OPA1: variants seen among roughly 807,000 people sequenced by gnomAD.
OPA1 encodes the protein OPA1 mitochondrial dynamin like GTPase.
Under a neutral mutation model 152.9 loss-of-function variants are expected in OPA1, and 59 were observed. The observed-to-expected ratio is 0.39, with a 90% CI of 0.31 to 0.48. The LOEUF (loss-of-function observed/expected upper bound fraction) is 0.48, where lower values mean the gene tolerates loss of function less well. Among genes scored for constraint, OPA1 ranks in the 20% least tolerant of loss-of-function variants. The pLI is 0.96. For missense variants in OPA1, 1,008 were observed against 1,216.8 expected (o/e 0.83, Z 2.55); for synonymous variants, 400 against 389.9 (o/e 1.03, Z -0.31).
intron 25 of OPA1, among the ~76,000 whole-genome samples, chr3:193,662,066 T>A (rs971726749): frequency 6.6e-6 from 1 of 152,166 alleles, no homozygotes; most frequent in Non-Finnish European, 1.5e-5. Flanking sequence ...TTCTAGTAAT[T>A]TATTTAGGGT....
chr3:193,644,180 A>G, intron 16 of OPA1, 75 bp downstream of exon 16: 1 of 1,526,954 alleles, frequency 6.5e-7, no homozygotes, highest in Non-Finnish European at 9.0e-7. Context: ...TGTTATTTAA[A>G]AAAACAACAA....
chr3:193,629,072 C>G (rs1041523546), intron 7 of OPA1, among the ~76,000 whole-genome samples: 1 of 152,070 alleles, frequency 6.6e-6, no homozygotes, highest in African/African-American at 2.4e-5. Flanking sequence ...TGCCACTACA[C>G]CAGGCTAATT....
At position 193,633,779 on chromosome 3, in the gene OPA1, CA is replaced by C. The variant is rs1181067198; in HGVS notation, c.844-1638del. On this transcript the variant is annotated intron_variant, in intron 8 of 30. Transcript: ENST00000361510. ...CTTACAGCACAACCTCACTTCAGGC[CA>C]GCCACATTTCAGGTGCTTGATAACT... 4.6e-5 allele frequency among the ~76,000 whole-genome samples: 7 copies of C among 152,254 alleles called. No individual in the cohort carries two copies. In the East Asian group the frequency reaches 1.3e-3, roughly 29 times the overall value.
intron 29 of OPA1, 100 bp from the exon 30 acceptor site, chr3:193,691,963 C>T: frequency 2.8e-6 from 2 of 712,450 alleles, no homozygotes; most frequent in Non-Finnish European, 4.8e-6. Context: ...TTTCTTTTTC[C>T]CGCAAATAGT....
intron 1 of OPA1, chr3:193,614,024 G>A (rs1444934435): frequency 7.6e-5 from 39 of 515,436 alleles, no homozygotes; most frequent in Non-Finnish European, 1.1e-4. Context: ...TTAAGATATG[G>A]TTGTTGGTAA....
At chr3:193,676,731 A>G (rs1238675525) in intron 29 of OPA1, among the ~76,000 whole-genome samples, 7 of 152,172 alleles carry the variant, frequency 4.6e-5, no homozygotes, top group Non-Finnish European at 7.3e-5. Flanking sequence ...CTGTAATCCC[A>G]GCACTTTAGG....
In OPA1 at chr3:193,662,844, A is replaced by G; in HGVS notation, c.2543A>G (p.Asn848Ser). 6.2e-7 allele frequency: 1 copy of G among 1,613,432 alleles called. No homozygotes were observed. Among genetic ancestry groups the G allele is most frequent in the Non-Finnish European group, 8.5e-7 (1 of 1,179,464 alleles). ...AAGTGTGTTCACAATGAAACCAAGA[A>G]TGAATTGGAGAAGATGTTGAAATGT... ...QEQCVHNETK[N>S]ELEKMLKCNE... The change falls in exon 26 of 31, where the codon AAT (asparagine) becomes AGT (serine). Residue 848 changes from asparagine (N) to serine (S), a missense_variant. By Grantham distance (46) the Asn-to-Ser change is conservative. Coordinates refer to ENST00000361510, the MANE Select transcript of OPA1 (RefSeq NM_130837.3).
At chr3:193,599,089 T>G (rs375336611) in intron 1 of OPA1, among the ~76,000 whole-genome samples, 3 of 152,304 alleles carry the variant, frequency 2.0e-5, no homozygotes, top group East Asian at 3.9e-4. Flanking sequence ...GCCACCTAAC[T>G]TTAGGCTCTT....
intron 29 of OPA1, among the ~76,000 whole-genome samples, chr3:193,673,709 T>C (rs1339529746): frequency 3.9e-5 from 6 of 152,202 alleles, no homozygotes; most frequent in Non-Finnish European, 1.5e-5. Flanking sequence ...GAAATTACAG[T>C]GTATTTATTC....
At chr3:193,632,156 A>G (rs1200992596) in intron 8 of OPA1, among the ~76,000 whole-genome samples, 4 of 152,346 alleles carry the variant, frequency 2.6e-5, no homozygotes, top group African/African-American at 9.6e-5. Context: ...ATTTTGTGCA[A>G]TGTAATGAGT....
At chr3:193,691,964 C>A in intron 29 of OPA1, 99 bp from the exon 30 acceptor site, 1 of 718,772 alleles carries the variant, frequency 1.4e-6, no homozygotes, top group Non-Finnish European at 2.4e-6. Context: ...TTCTTTTTCC[C>A]GCAAATAGTT....
intron 25 of OPA1, among the ~76,000 whole-genome samples, chr3:193,660,711 T>A (rs921448522): frequency 6.6e-6 from 1 of 152,148 alleles, no homozygotes; most frequent in Admixed American, 6.5e-5. Context: ...ATTTTTTTTT[T>A]TGGTAATGAC....
At position 193,643,436 on chromosome 3, in the gene OPA1, G is replaced by A. The variant is rs879255594; in HGVS notation, c.1369G>A (p.Val457Met). ...GATGGTGCTTGTTGACTTACCAGGT[G>A]TGATTAATGTAAGTATATACAAAAC... ...QRMVLVDLPGVINTVTSGMAP... is the reference protein window; with the variant it reads ...QRMVLVDLPGMINTVTSGMAP... The change falls in exon 14 of 31, where the codon GTG (valine) becomes ATG (methionine). Residue 457 changes from valine (V) to methionine (M), a missense_variant. Around this residue, in one of 7 missense-constraint regions of OPA1, gnomAD observed 213 missense variants for 291.4 expected, o/e 0.73. Coordinates refer to ENST00000361510, the MANE Select transcript of OPA1 (RefSeq NM_130837.3). 6.2e-7 allele frequency: 1 copy of A among 1,609,402 alleles called. No individual in the cohort carries two copies. Among genetic ancestry groups the A allele is most frequent in the Non-Finnish European group, 8.5e-7 (1 of 1,175,776 alleles).
Position 193,615,658 on chromosome 3 carries a change from C to CT in OPA1, c.352-13dup, listed in dbSNP as rs1243535060. On this transcript the variant is annotated splice_polypyrimidine_tract_variant and intron_variant, in intron 2 of 30. Coordinates refer to ENST00000361510, the MANE Select transcript of OPA1 (RefSeq NM_130837.3). ...GCATGCAGAGCATCTGATTGACACA[C>CT]TTTCTTGTCTTTTAGACTTTTGATC... 6.9e-7 allele frequency: 1 copy of CT among 1,453,006 alleles called. No homozygotes were observed. Among genetic ancestry groups the CT allele is most frequent in the Non-Finnish European group, 9.7e-7 (1 of 1,033,440 alleles). 90.0% of individuals were successfully genotyped at this position (1,453,006 alleles called of 1,614,324 possible).
rs767154051 is a variant in OPA1 at position 193,645,765 on chromosome 3, T to C, written c.1719T>C (p.Tyr573=). 3.5e-5 allele frequency: 57 copies of C among 1,613,584 alleles called. No individual in the cohort carries two copies. The highest frequency in any genetic ancestry group is 4.7e-5 in the Non-Finnish European group (55 of 1,179,704). ...SSESIEAIRE[Y]EEEFFQNSKL... Reference sequence around the variant, plus strand: ...AAAGCATTGAAGCTATAAGAGAATATGAAGAAGAGTTTTTTCAGAATTCAA... The same window carrying C: ...AAAGCATTGAAGCTATAAGAGAATACGAAGAAGAGTTTTTTCAGAATTCAA... The change falls in exon 18 of 31, where the codon TAT becomes TAC. Residue 573 remains tyrosine, a synonymous_variant. Transcript: ENST00000361510.
At chr3:193,685,437 A>G (rs762133387) in intron 29 of OPA1, among the ~76,000 whole-genome samples, 26 of 152,192 alleles carry the variant, frequency 1.7e-4, no homozygotes, top group Admixed American at 7.9e-4. Context: ...GGGGGTCACA[A>G]AATAGCAATT....
chr3:193,666,181 C>G (rs1190094861), intron 27 of OPA1, 115 bp from the exon 28 acceptor site: 5 of 833,946 alleles, frequency 6.0e-6, no homozygotes, highest in Non-Finnish European at 8.1e-6. Context: ...TTAGGTAAAT[C>G]TGAGTACTTT....
chr3:193,623,809 C>T (rs551344104), intron 6 of OPA1, among the ~76,000 whole-genome samples: 3 of 152,268 alleles, frequency 2.0e-5, no homozygotes, highest in African/African-American at 7.2e-5. Flanking sequence ...CTTCCTGTTC[C>T]ACATGGCCTT....
chr3:193,642,809 T>C lies in OPA1; in HGVS notation c.1194T>C (p.Asp398=). The change falls in exon 12 of 31, where the codon GAT becomes GAC. Residue 398 remains aspartate (D), a synonymous_variant. Transcript: ENST00000361510. The part of the protein sequence containing the change: ...EGPHHVALFK[D]SSREFDLTKE... ...CTCACCATGTGGCCCTATTTAAAGA[T>C]AGTTCTCGGGAGTTTGATCTTACCA... is the stretch of plus-strand genomic sequence containing the variant. 1.2e-6 allele frequency: 2 copies of C among 1,613,792 alleles called. No homozygotes were observed. Among genetic ancestry groups the C allele is most frequent in the Non-Finnish European group, 1.7e-6 (2 of 1,179,720 alleles).
Sources: allele counts gnomAD v4.1 joint callset (sites outside exome capture counted in the v4.1 genomes callset), GRCh38; gene constraint gnomAD v4.1.1; regional missense constraint gnomAD v4.1.1; transcripts MANE v1.5; gene names NCBI Gene and HGNC (gene_info 2026-07-23, HGNC 2026-07-21).